Variants in PRKACB observed in about 807,000 individuals in gnomAD.
PRKACB encodes cAMP-dependent protein kinase catalytic subunit beta.
PRKACB carries 16 observed loss-of-function variants against 51.4 expected under a neutral mutation model. The ratio of observed to expected loss-of-function variants is 0.31; its 90% CI spans 0.21 to 0.47. The LOEUF (loss-of-function observed/expected upper bound fraction) is 0.47, where lower values mean the gene tolerates loss of function less well. Among genes scored for constraint, PRKACB ranks in the 20% least tolerant of loss-of-function variants. The probability of loss-of-function intolerance (pLI) is 1.00; values close to 1 mark genes in which losing one functional copy is unlikely to be tolerated. For synonymous variants in PRKACB, 147 were observed against 154.4 expected, an observed-to-expected ratio of 0.95 and a Z score of 0.35; for missense variants, 309 against 464.5, an observed-to-expected ratio of 0.67 and a Z score of 3.08.
intron 5 of PRKACB, among the ~76,000 whole-genome samples, chr1:84,195,109 C>T (rs1667848078): frequency 1.3e-5 from 2 of 152,144 alleles, no homozygotes; most frequent in South Asian, 4.1e-4. Context: ...CCTCCCAGGT[C>T]AGATGTTTCC....
chr1:84,219,175 T>G (rs1456510228), intron 9 of PRKACB, among the ~76,000 whole-genome samples: 1 of 152,094 alleles, frequency 6.6e-6, no homozygotes, highest in African/African-American at 2.4e-5. Context: ...TTGTTTTTGT[T>G]GCTTGTACTT....
At chr1:84,086,883 C>G (rs112891906) in intron 1 of PRKACB, among the ~76,000 whole-genome samples, 7 of 152,300 alleles carry the variant, frequency 4.6e-5, no homozygotes, top group African/African-American at 1.7e-4. Context: ...CGAGGCACCT[C>G]CTTTGCCCCT....
At chr1:84,170,766 T>C (rs939687410) in intron 1 of PRKACB, among the ~76,000 whole-genome samples, 1 of 151,668 alleles carries the variant, frequency 6.6e-6, no homozygotes, top group Non-Finnish European at 1.5e-5. Flanking sequence ...GACTACTATA[T>C]TAAATTAGTG....
intron 1 of PRKACB, among the ~76,000 whole-genome samples, chr1:84,155,286 CA>C (rs1012366423): frequency 6.6e-6 from 1 of 151,912 alleles, no homozygotes; most frequent in African/African-American, 2.4e-5. Context: ...TACAATATCA[CA>C]AAAAATGCAT....
intron 1 of PRKACB, among the ~76,000 whole-genome samples, chr1:84,082,246 A>G (rs184901470): frequency 6.6e-6 from 1 of 152,312 alleles, no homozygotes; most frequent in East Asian, 1.9e-4. Flanking sequence ...ACTTTGCTGA[A>G]CAGCCTCTGT....
intron 1 of PRKACB, among the ~76,000 whole-genome samples, chr1:84,124,168 A>G (rs1019504035): frequency 6.6e-6 from 1 of 152,210 alleles, no homozygotes; most frequent in Admixed American, 6.5e-5. Flanking sequence ...AAGAAATGAT[A>G]TGAGAAACTC....
At chr1:84,234,655 C>T (rs933209669) in intron 9 of PRKACB, among the ~76,000 whole-genome samples, 11 of 152,158 alleles carry the variant, frequency 7.2e-5, no homozygotes, top group Non-Finnish European at 1.0e-4. Context: ...GCGCAGTATT[C>T]GGGTGGGAGT....
chr1:84,093,867 G>C (rs1314652928), intron 1 of PRKACB, among the ~76,000 whole-genome samples: 1 of 151,284 alleles, frequency 6.6e-6, no homozygotes, highest in Non-Finnish European at 1.5e-5. Flanking sequence ...ATGCTTTTTT[G>C]TTACTATAAA....
intron 1 of PRKACB, among the ~76,000 whole-genome samples, chr1:84,089,609 G>C (rs978756028): frequency 6.6e-6 from 1 of 152,034 alleles, no homozygotes; most frequent in African/African-American, 2.4e-5. Flanking sequence ...TATACTCTAA[G>C]CTCTGCATTC....
chr1:84,088,420 A>G (rs957465617), intron 1 of PRKACB, among the ~76,000 whole-genome samples: 1 of 152,228 alleles, frequency 6.6e-6, no homozygotes, highest in Non-Finnish European at 1.5e-5. Flanking sequence ...AGTCCTGTTT[A>G]GTAAAATGAA....
chr1:84,089,967 C>G (rs1439863027), intron 1 of PRKACB, among the ~76,000 whole-genome samples: 1 of 152,172 alleles, frequency 6.6e-6, no homozygotes, highest in Non-Finnish European at 1.5e-5. Context: ...TATCAAATCT[C>G]TCTAACAAAA....
At chr1:84,128,106 CCAAGCAATTCTCCTGCCT>C (rs1394491481) in intron 1 of PRKACB, among the ~76,000 whole-genome samples, 7 of 147,498 alleles carry the variant, frequency 4.7e-5, no homozygotes, top group South Asian at 2.1e-4. Context: ...CCTCCCAGGT[CCAAGCAATTCTCCTGCCT>C]CAGCTTCCTG....
At chr1:84,086,136 CTG>C (rs1647965903) in intron 1 of PRKACB, 1 of 1,593,292 alleles carries the variant, frequency 6.3e-7, no homozygotes, top group Admixed American at 1.7e-5. Context: ...GTGGTGCCCA[CTG>C]TGCTGGCCAT....
At position 84,184,149 on chromosome 1, in the gene PRKACB, A is replaced by C; in HGVS notation, c.477+14A>C. ...TATGCTTTTAAGGTAAATTTTAGTA[A>C]TATCTAAATAAGATATTTTCAACCT... On this transcript the variant is annotated intron_variant, in intron 4 of 9. Transcript: ENST00000370685. 6.3e-7 allele frequency: 1 copy of C among 1,577,218 alleles called. No individual in the cohort carries two copies. Among genetic ancestry groups the C allele is most frequent in the Non-Finnish European group, 8.6e-7 (1 of 1,165,082 alleles).
At chr1:84,142,954 A>G (rs1444454283), upstream of PRKACB, among the ~76,000 whole-genome samples, 1 of 151,788 alleles carries the variant, frequency 6.6e-6, no homozygotes, top group Non-Finnish European at 1.5e-5. Context: ...ATTTTTTTAG[A>G]TAGATTGTTT....
chr1:84,214,171 T>C lies in PRKACB; in HGVS notation c.925T>C (p.Phe309Leu). Residue 309 changes from phenylalanine (F) to leucine (L), a missense_variant, in exon 9 of 10, where the codon TTC becomes CTC. Physicochemically the swap from Phe to Leu is conservative, Grantham distance 22. Transcript: ENST00000370685. ...VSGKVRFPSH[F>L]SSDLKDLLRN... is the part of the protein sequence containing the mutation. Reference sequence around the variant, plus strand: ...TGTGTAGGTCCGATTCCCATCCCACTTCAGTTCAGATCTCAAGGACCTTCT... The same window carrying C: ...TGTGTAGGTCCGATTCCCATCCCACCTCAGTTCAGATCTCAAGGACCTTCT... 6.2e-7 allele frequency: 1 copy of C among 1,612,104 alleles called. No homozygotes were observed. The highest frequency in any genetic ancestry group is 1.1e-5 in the South Asian group (1 of 90,632).
intron 8 of PRKACB, among the ~76,000 whole-genome samples, chr1:84,208,830 A>G (rs1408994047): frequency 6.6e-6 from 1 of 152,210 alleles, no homozygotes; most frequent in East Asian, 1.9e-4. Flanking sequence ...ATTGTTTTAT[A>G]AATGAGGAAA....
At chr1:84,196,873 G>A in intron 6 of PRKACB, 131 bp downstream of exon 6, 1 of 999,970 alleles carries the variant, frequency 1.0e-6, no homozygotes, top group Non-Finnish European at 1.4e-6. Context: ...AGAGCTCAGA[G>A]TTTTGCTGCT....
chr1:84,205,617 A>G (rs1350571207), intron 8 of PRKACB, among the ~76,000 whole-genome samples: 1 of 152,104 alleles, frequency 6.6e-6, no homozygotes, highest in South Asian at 2.1e-4. Flanking sequence ...TATAAAGATT[A>G]TAGGTATCAA....
Sources: allele counts gnomAD v4.1 joint callset (sites outside exome capture counted in the v4.1 genomes callset), GRCh38; gene constraint gnomAD v4.1.1; transcripts MANE v1.5; gene names NCBI Gene and HGNC (gene_info 2026-07-23, HGNC 2026-07-21).